Variants in STXBP5 observed in about 807,000 individuals in gnomAD.
STXBP5 encodes the protein syntaxin-binding protein 5.
In STXBP5, 50 loss-of-function variants were observed where a neutral mutation model predicts 152.4. The observed-to-expected ratio is 0.33, with a 90% CI of 0.26 to 0.42. STXBP5 has a LOEUF of 0.42. Ranked by LOEUF, STXBP5 falls within the 10% of genes least tolerant of loss-of-function variation. STXBP5 has a pLI of 1.00. For missense variants in STXBP5, 1,167 were observed against 1,388.6 expected (o/e 0.84, Z 2.54); for synonymous variants, 492 against 494.7 (o/e 0.99, Z 0.07).
intron 25 of STXBP5, among the ~76,000 whole-genome samples, chr6:147,367,473 C>CTAAAATACAAAAA (rs1785343033): frequency 6.6e-6 from 1 of 151,986 alleles, no homozygotes; most frequent in Admixed American, 6.6e-5. Flanking sequence ...CCCGTCTCAA[C>CTAAAATACAAAAA]TAAAAATACA....
rs149489439 is a variant in STXBP5 at position 147,225,507 on chromosome 6, T to A, written c.249-9743T>A. Among the ~76,000 whole-genome samples, 13 of 152,334 alleles carry A rather than the reference T, an allele frequency of 8.5e-5. No homozygotes were observed. In the East Asian group the frequency reaches 2.5e-3, roughly 29 times the overall value. On this transcript the variant is annotated intron_variant, in intron 2 of 27. Coordinates refer to ENST00000321680, the MANE Select transcript of STXBP5 (RefSeq NM_001127715.4). Reference sequence around the variant, plus strand: ...TACTTTTCTTTGCCTTGTTCCTCATTGAAAATAATTGAAGAACAGATTCTC... The same window carrying A: ...TACTTTTCTTTGCCTTGTTCCTCATAGAAAATAATTGAAGAACAGATTCTC...
Position 147,390,068 on chromosome 6 carries a change from T to C in STXBP5, c.*5313T>C, listed in dbSNP as rs577146192. 1 of 152,102 alleles carries C rather than the reference T, an allele frequency of 6.6e-6. No homozygotes were observed. The highest frequency in any genetic ancestry group is 2.4e-5 in the African/African-American group (1 of 41,562). 9.4% of individuals were successfully genotyped at this position (152,102 alleles called of 1,614,324 possible). ...GCTTGTGTATACCTTAAACTGTAAC[T>C]TGCAGGTGTTTTTCAGTTGCTGCAC... On this transcript the variant is annotated 3_prime_UTR_variant, in exon 28 of 28. Coordinates refer to ENST00000321680, the MANE Select transcript of STXBP5 (RefSeq NM_001127715.4).
chr6:147,339,245 T>C lies in STXBP5; in HGVS notation c.2206+7T>C. On this transcript the variant is annotated splice_region_variant and intron_variant, in intron 20 of 27. Coordinates refer to ENST00000321680, the MANE Select transcript of STXBP5 (RefSeq NM_001127715.4). The stretch of plus-strand genomic sequence containing the variant: ...AATAATTTTATAGAAAAGGGTATAG[T>C]ATCTTGATTTTAAAGTATTTTCTTT... The C allele has an allele frequency of 1.3e-6, 2 of 1,526,292 alleles. No individual in the cohort carries two copies. The highest frequency in any genetic ancestry group is 1.8e-6 in the Non-Finnish European group (2 of 1,136,722). 94.5% of individuals were successfully genotyped at this position (1,526,292 alleles called of 1,614,324 possible).
chr6:147,217,946 T>G (rs1777258980), intron 2 of STXBP5, among the ~76,000 whole-genome samples: 1 of 152,216 alleles, frequency 6.6e-6, no homozygotes, highest in Non-Finnish European at 1.5e-5. Context: ...TTAAATGAGA[T>G]TAGCAGAATA....
chr6:147,324,831 C>G (rs767608398), intron 16 of STXBP5, 128 bp from the exon 17 acceptor site: 7 of 907,952 alleles, frequency 7.7e-6, no homozygotes, highest in Non-Finnish European at 1.0e-5. Context: ...TTAAATGCTT[C>G]TAGAAAACAG....
intron 25 of STXBP5, among the ~76,000 whole-genome samples, chr6:147,368,577 C>T (rs1025955794): frequency 2.0e-5 from 3 of 152,132 alleles, no homozygotes; most frequent in Non-Finnish European, 4.4e-5. Flanking sequence ...GAAGAATGTT[C>T]ACTCTCACCA....
At chr6:147,328,678 G>A (rs371614869) in intron 18 of STXBP5, 71 of 465,726 alleles carry the variant, frequency 1.5e-4, no homozygotes, top group South Asian at 4.1e-4. Flanking sequence ...TATTTCTTCC[G>A]CTTTTCATTG....
At chr6:147,353,425 A>C in intron 22 of STXBP5, 52 bp downstream of exon 22, 15 of 1,254,952 alleles carry the variant, frequency 1.2e-5, no homozygotes, top group Non-Finnish European at 1.6e-5. Flanking sequence ...TGGGAAGACA[A>C]GGAAATCAGA....
chr6:147,310,259 G>T, intron 10 of STXBP5, 21 bp downstream of exon 10: 1 of 1,511,992 alleles, frequency 6.6e-7, no homozygotes, highest in Non-Finnish European at 8.8e-7. Flanking sequence ...CAACTTTAAA[G>T]CTCATTCTCT....
chr6:147,214,800 C>G (rs1276504973), intron 2 of STXBP5, among the ~76,000 whole-genome samples: 8 of 152,058 alleles, frequency 5.3e-5, no homozygotes, highest in Non-Finnish European at 1.2e-4. Flanking sequence ...ACCGTGCAGT[C>G]CAAAGTAATG....
intron 16 of STXBP5, among the ~76,000 whole-genome samples, chr6:147,324,264 GTTTTTTTTTTTTTTT>G (rs1179573055): frequency 1.7e-5 from 1 of 57,952 alleles, no homozygotes; most frequent in South Asian, 7.9e-4. Context: ...TTTTTTTTTG[GTTTTTTTTTTTTTTT>G]TTTTTTTTTT....
At chr6:147,268,236 G>A (rs1756985959) in intron 7 of STXBP5, among the ~76,000 whole-genome samples, 1 of 152,016 alleles carries the variant, frequency 6.6e-6, no homozygotes, top group Admixed American at 6.6e-5. Context: ...GTATATTTCT[G>A]AATCAAATTT....
intron 3 of STXBP5, among the ~76,000 whole-genome samples, chr6:147,236,557 CT>C (rs1370222462): frequency 4.0e-5 from 6 of 150,498 alleles, no homozygotes; most frequent in African/African-American, 1.5e-4. Flanking sequence ...GACTATAGAC[CT>C]TTATTTAGAT....
At chr6:147,273,891 G>A (rs1403749642) in intron 7 of STXBP5, among the ~76,000 whole-genome samples, 1 of 151,890 alleles carries the variant, frequency 6.6e-6, no homozygotes, top group East Asian at 1.9e-4. Context: ...GGCAGAGCTT[G>A]CAGTGAGACG....
chr6:147,375,828 T>C (rs929080465), intron 26 of STXBP5, among the ~76,000 whole-genome samples: 3 of 151,972 alleles, frequency 2.0e-5, no homozygotes, highest in African/African-American at 7.2e-5. Flanking sequence ...TTTTAACAAA[T>C]AGAGACTGAT....
In STXBP5 at chr6:147,390,214, T is replaced by C. The variant is rs1185717019; in HGVS notation, c.*5459T>C. Reference sequence around the variant, plus strand: ...TTTCATCTAAAAAGAAAAGCACTATTGGAAACACTAAAAACGTGTTAAACT... The same window carrying C: ...TTTCATCTAAAAAGAAAAGCACTATCGGAAACACTAAAAACGTGTTAAACT... On this transcript the variant is annotated 3_prime_UTR_variant, in exon 28 of 28. Coordinates refer to ENST00000321680, the MANE Select transcript of STXBP5 (RefSeq NM_001127715.4). 1 of 152,054 alleles carries C rather than the reference T, an allele frequency of 6.6e-6. No individual in the cohort carries two copies. The highest frequency in any genetic ancestry group is 1.9e-4 in the East Asian group (1 of 5,184). 9.4% of individuals were successfully genotyped at this position (152,054 alleles called of 1,614,324 possible). A position where few individuals can be genotyped will look rare whatever the true frequency, so the allele number is the denominator to read the frequency against.
chr6:147,355,619 A>G (rs1053015863), intron 22 of STXBP5, among the ~76,000 whole-genome samples: 4 of 152,128 alleles, frequency 2.6e-5, no homozygotes, highest in African/African-American at 9.7e-5. Context: ...GACAGACACA[A>G]ATTCTGACTC....
chr6:147,243,196 A>G (rs1367759223), intron 4 of STXBP5, among the ~76,000 whole-genome samples: 1 of 152,206 alleles, frequency 6.6e-6, no homozygotes, highest in African/African-American at 2.4e-5. Flanking sequence ...ACTATTTTGC[A>G]TTCCCACTAG....
chr6:147,339,755 A>T (rs922043348), intron 21 of STXBP5, among the ~76,000 whole-genome samples: 5 of 151,908 alleles, frequency 3.3e-5, no homozygotes, highest in Non-Finnish European at 7.4e-5. Flanking sequence ...TGTCTCTCTC[A>T]TATTTTCAAG....
Sources: allele counts gnomAD v4.1 joint callset (sites outside exome capture counted in the v4.1 genomes callset), GRCh38; gene constraint gnomAD v4.1.1; transcripts MANE v1.5; gene names NCBI Gene and HGNC (gene_info 2026-07-23, HGNC 2026-07-21).